Variants in AUTS2 observed in about 807,000 individuals in gnomAD.
AUTS2 encodes autism susceptibility gene 2 protein.
In AUTS2, 17 loss-of-function variants were observed where a neutral mutation model predicts 112.4. The observed-to-expected ratio is 0.15, with a 90% CI of 0.10 to 0.23. The LOEUF (loss-of-function observed/expected upper bound fraction) is 0.23. AUTS2 is among the 10% of genes least tolerant of loss of function. The pLI is 1.00. For missense variants in AUTS2, 1,510 were observed against 1,701.6 expected (o/e 0.89, Z 1.98); for synonymous variants, 751 against 702.7 (o/e 1.07, Z -1.09).
chr7:70,161,448 G>GT (rs1372131895), intron 4 of AUTS2, among the ~76,000 whole-genome samples: 2 of 151,388 alleles, frequency 1.3e-5, no homozygotes, highest in Admixed American at 6.6e-5. Context: ...TTTTGTTTTT[G>GT]TTTTTTAAGT....
chr7:70,060,494 C>T (rs574355686), intron 2 of AUTS2, among the ~76,000 whole-genome samples: 80 of 152,282 alleles, frequency 5.3e-4, no homozygotes, highest in Admixed American at 9.2e-4. Context: ...ATCTAAACCA[C>T]TGATCAAGGG....
chr7:70,544,491 G>T (rs945934852), intron 5 of AUTS2, among the ~76,000 whole-genome samples: 1 of 152,088 alleles, frequency 6.6e-6, no homozygotes. Context: ...GACCATCACA[G>T]GCATCAGGAA....
chr7:69,682,007 G>A lies in AUTS2; in HGVS notation c.309+82045G>A, dbSNP rs1002483570. ...TTCACAGTTTCTCCATCTGTGAAAT[G>A]GAAATAATAATACGTTTGTGAGACT... On this transcript the variant is annotated intron_variant, in intron 1 of 18. Transcript: ENST00000342771. 2.6e-5 allele frequency among the ~76,000 whole-genome samples: 4 copies of A among 152,122 alleles called. 1 individual carries two copies. In the South Asian group the frequency reaches 6.2e-4, roughly 24 times the overall value.
At chr7:69,860,581 T>A (rs183396498) in intron 1 of AUTS2, among the ~76,000 whole-genome samples, 83 of 152,286 alleles carry the variant, frequency 5.5e-4, no homozygotes, top group Middle Eastern at 3.4e-3. Context: ...CTGGTCCGTC[T>A]GTCACTGGCC....
At chr7:70,615,096 G>A (rs1236658503) in intron 5 of AUTS2, among the ~76,000 whole-genome samples, 2 of 152,202 alleles carry the variant, frequency 1.3e-5, no homozygotes, top group East Asian at 3.8e-4. Context: ...GGTTAATACA[G>A]GACCATTTCC....
chr7:70,150,792 G>T (rs190838713), intron 4 of AUTS2, among the ~76,000 whole-genome samples: 39 of 152,230 alleles, frequency 2.6e-4, no homozygotes, highest in Non-Finnish European at 4.9e-4. Flanking sequence ...TCCCTAATAT[G>T]CCAGGTGATA....
At chr7:70,036,832 A>G (rs551234106) in intron 2 of AUTS2, among the ~76,000 whole-genome samples, 1 of 152,286 alleles carries the variant, frequency 6.6e-6, no homozygotes, top group South Asian at 2.1e-4. Flanking sequence ...TAAATCACCT[A>G]CCAAGAGTGT....
intron 1 of AUTS2, among the ~76,000 whole-genome samples, chr7:69,850,195 A>C (rs976260477): frequency 1.3e-5 from 2 of 151,720 alleles, no homozygotes; most frequent in Non-Finnish European, 2.9e-5. Context: ...GCTACTCGGG[A>C]GGCTGAGGAA....
chr7:69,747,780 G>GA (rs1307000561), intron 1 of AUTS2, among the ~76,000 whole-genome samples: 3 of 92,312 alleles, frequency 3.2e-5, no homozygotes, highest in Admixed American at 2.2e-4. Context: ...GAGAGAAGGA[G>GA]AGGGGTGTGT....
intron 1 of AUTS2, among the ~76,000 whole-genome samples, chr7:69,755,557 C>A (rs879850196): frequency 6.6e-6 from 1 of 152,114 alleles, no homozygotes; most frequent in Non-Finnish European, 1.5e-5. Flanking sequence ...GGTCTGACAT[C>A]GCTGTTGTTT....
At chr7:69,902,700 TA>T (rs1315672533) in intron 2 of AUTS2, among the ~76,000 whole-genome samples, 2 of 152,226 alleles carry the variant, frequency 1.3e-5, no homozygotes, top group Admixed American at 6.5e-5. Context: ...GGTGCAATTA[TA>T]ATACTTTTAT....
intron 2 of AUTS2, among the ~76,000 whole-genome samples, chr7:70,090,609 A>G (rs1803862635): frequency 6.7e-6 from 1 of 149,618 alleles, no homozygotes; most frequent in Non-Finnish European, 1.5e-5. Context: ...GGTGCTCTTC[A>G]TTCTTCTTTA....
chr7:70,268,748 CTAT>C (rs1787552526), intron 4 of AUTS2, among the ~76,000 whole-genome samples: 1 of 151,970 alleles, frequency 6.6e-6, no homozygotes, highest in Non-Finnish European at 1.5e-5. Flanking sequence ...ATTATTATTG[CTAT>C]TATTATCATT....
intron 4 of AUTS2, among the ~76,000 whole-genome samples, chr7:70,411,958 C>T (rs527560978): frequency 6.7e-4 from 94 of 139,770 alleles, no homozygotes; most frequent in African/African-American, 2.5e-3. Context: ...GCTCTGTGAG[C>T]GATCTCAGCT....
intron 5 of AUTS2, among the ~76,000 whole-genome samples, chr7:70,495,948 C>T (rs538266193): frequency 2.8e-5 from 4 of 145,216 alleles, no homozygotes; most frequent in African/African-American, 1.0e-4. Flanking sequence ...ACACACACCC[C>T]ACACATGCAC....
At chr7:70,785,310 C>T (rs983232249) in intron 16 of AUTS2, 25 of 595,104 alleles carry the variant, frequency 4.2e-5, no homozygotes, top group East Asian at 1.0e-4. Context: ...TCAGGGAATC[C>T]GAGTTTACAA....
chr7:70,709,585 C>T (rs949839368), intron 6 of AUTS2, among the ~76,000 whole-genome samples: 4 of 152,134 alleles, frequency 2.6e-5, no homozygotes, highest in African/African-American at 7.2e-5. Flanking sequence ...GTGGCACACG[C>T]CTGTAATCCC....
chr7:70,788,446 A>G (rs916525299), intron 18 of AUTS2, among the ~76,000 whole-genome samples: 4 of 152,198 alleles, frequency 2.6e-5, no homozygotes, highest in African/African-American at 4.8e-5. Context: ...TATGATAACA[A>G]TCTCTTAACC....
chr7:70,029,247 C>G lies in AUTS2; in HGVS notation c.523-88885C>G, dbSNP rs1479854128. Among the ~76,000 whole-genome samples, 3 of 142,742 alleles carry G rather than the reference C, an allele frequency of 2.1e-5. No individual in the cohort carries two copies. The East Asian group carries it at 6.1e-4, about 29-fold the overall frequency. The allele number at this position is 142,742 out of a possible 152,430, so 93.6% of individuals were successfully genotyped here. ...CCAGACACACAGCAAATCCTCAGGT[C>G]TTTCCAGGGATACTTTTTTTTTTTT... On this transcript the variant is annotated intron_variant, in intron 2 of 18. Transcript: ENST00000342771.
Sources: allele counts gnomAD v4.1 joint callset (sites outside exome capture counted in the v4.1 genomes callset), GRCh38; gene constraint gnomAD v4.1.1; transcripts MANE v1.5; gene names NCBI Gene and HGNC (gene_info 2026-07-23, HGNC 2026-07-21).